GFM1: variants seen among roughly 807,000 people sequenced by gnomAD.
GFM1 encodes elongation factor G, mitochondrial.
GFM1 carries 62 observed loss-of-function variants against 96.2 expected under a neutral mutation model. The ratio of observed to expected loss-of-function variants is 0.64; its 90% CI spans 0.53 to 0.80. The LOEUF is 0.80. GFM1 is among the 30% of genes least tolerant of loss of function. The pLI is 0.00. For missense variants in GFM1, 852 were observed against 916.6 expected (o/e 0.93, Z 0.91); for synonymous variants, 282 against 312.9 (o/e 0.90, Z 1.04).
chr3:158,694,321 A>C lies in GFM1; in HGVS notation c.*2854A>C, dbSNP rs1188962548. Among the ~76,000 whole-genome samples the C allele has an allele frequency of 6.6e-6, 1 of 152,196 alleles. No homozygotes were observed. On this transcript the variant is annotated 3_prime_UTR_variant, in exon 18 of 18. Transcript: ENST00000486715. ...TGGAAGCCATTATCCTCATCAAACT[A>C]ACATAGGAAAAGAAAACCAAATACT...
chr3:158,683,243 A>C (rs56089835), intron 14 of GFM1, among the ~76,000 whole-genome samples: 369 of 152,168 alleles, frequency 2.4e-3, no homozygotes, highest in African/African-American at 8.6e-3. Context: ...ACTAAGATTA[A>C]TGTAGATGAA....
rs61348783 is a variant in GFM1, at chr3:158,668,908, A to G, written c.1601+2522A>G. The G allele has an allele frequency of 7.5e-3, 9,000 of 1,201,542 alleles. 528 individuals carry two copies. The African/African-American group carries it at 0.13, about 17-fold the overall frequency. The allele number at this position is 1,201,542 out of a possible 1,614,324, so 74.4% of individuals were successfully genotyped here. A position where few individuals can be genotyped will look rare whatever the true frequency, so the allele number is the denominator to read the frequency against. On this transcript the variant is annotated intron_variant, in intron 13 of 17. Transcript: ENST00000486715. ...GTTTGCTATTAAATACAAAATGACTATAGGAATACTGTTAATCCAATTATG... is the reference window on the plus strand; with the variant it reads ...GTTTGCTATTAAATACAAAATGACTGTAGGAATACTGTTAATCCAATTATG...
At position 158,674,149 on chromosome 3, in the gene GFM1, C is replaced by T. The variant is rs1027544467; in HGVS notation, c.1601+7763C>T. 8.1e-5 allele frequency among the ~76,000 whole-genome samples: 12 copies of T among 148,604 alleles called. No individual in the cohort carries two copies. The East Asian group carries it at 2.0e-3, about 25-fold the overall frequency. ...AGGCTGCAGTGCAGTGGCGTGATCT[C>T]GGCTCACTGCAACCTCCACCTCCCA... On this transcript the variant is annotated intron_variant, in intron 13 of 17. Coordinates refer to ENST00000486715, the MANE Select transcript of GFM1 (RefSeq NM_024996.7).
At position 158,655,310 on chromosome 3, in the gene GFM1, C is replaced by A. The variant is rs141528509; in HGVS notation, c.1083+679C>A. On this transcript the variant is annotated intron_variant, in intron 8 of 17. Coordinates refer to ENST00000486715, the MANE Select transcript of GFM1 (RefSeq NM_024996.7). ...ACCAGCCTAGCCAACATGGTGAAACCCTGTCTATACTAAAAGTACAAAAAT... is the reference window on the plus strand; with the variant it reads ...ACCAGCCTAGCCAACATGGTGAAACACTGTCTATACTAAAAGTACAAAAAT... 1.5e-4 allele frequency among the ~76,000 whole-genome samples: 23 copies of A among 151,930 alleles called. No homozygotes were observed. The East Asian group carries it at 3.7e-3, about 24-fold the overall frequency.
At chr3:158,659,089 A>AT (rs1722993143) in intron 9 of GFM1, 30 bp downstream of exon 9, 1 of 1,613,670 alleles carries the variant, frequency 6.2e-7, no homozygotes, top group East Asian at 2.2e-5. Context: ...GAGATTAGAA[A>AT]TTCCTCTGAT....
intron 13 of GFM1, among the ~76,000 whole-genome samples, chr3:158,674,645 C>T (rs1724714187): frequency 6.6e-6 from 1 of 152,114 alleles, no homozygotes. Flanking sequence ...GAAGACTGCC[C>T]ATATTTTATT....
intron 13 of GFM1, among the ~76,000 whole-genome samples, chr3:158,674,061 A>G (rs1393013769): frequency 2.0e-5 from 3 of 148,752 alleles, no homozygotes; most frequent in Non-Finnish European, 4.4e-5. Context: ...TTTGCGAGAC[A>G]CTGTCTTTCA....
In GFM1 at chr3:158,666,573, A is replaced by G. The variant is rs569721422; in HGVS notation, c.1601+187A>G. The G allele has an allele frequency of 2.2e-6, 3 of 1,391,366 alleles. No individual in the cohort carries two copies. In the East Asian group the frequency reaches 6.9e-5, roughly 32 times the overall value. 86.2% of individuals were successfully genotyped at this position (1,391,366 alleles called of 1,614,324 possible). On this transcript the variant is annotated intron_variant, in intron 13 of 17. Coordinates refer to ENST00000486715, the MANE Select transcript of GFM1 (RefSeq NM_024996.7). ...TGACACTTTGGGATTATTTGGCCTC[A>G]TAAGCTAGATGCCAGTGAAATTGGC...
intron 3 of GFM1, 136 bp downstream of exon 3, chr3:158,646,433 A>C (rs1721809412): frequency 3.1e-6 from 3 of 959,312 alleles, no homozygotes; most frequent in Non-Finnish European, 4.9e-6. Flanking sequence ...AAGAAGACTA[A>C]CTTAGGACCT....
intron 15 of GFM1, among the ~76,000 whole-genome samples, chr3:158,686,199 A>G (rs573371017): frequency 1.3e-5 from 2 of 148,230 alleles, no homozygotes; most frequent in Non-Finnish European, 3.0e-5. Context: ...ATGTATTTGT[A>G]TAAAATACAT....
At chr3:158,670,948 T>A in intron 13 of GFM1, 1 of 1,490,030 alleles carries the variant, frequency 6.7e-7, no homozygotes, top group African/African-American at 1.9e-5. Flanking sequence ...AAAAAGAAAT[T>A]TAACTTACTT....
intron 13 of GFM1, chr3:158,672,620 G>C (rs1302139629): frequency 5.2e-6 from 5 of 966,792 alleles, no homozygotes; most frequent in Non-Finnish European, 7.5e-6. Context: ...TTCTTCCTCA[G>C]CTCCTTCCGA....
intron 1 of GFM1, 32 bp downstream of exon 1, chr3:158,644,747 C>T (rs1434822172): frequency 1.3e-6 from 2 of 1,531,994 alleles, no homozygotes; most frequent in Non-Finnish European, 1.8e-6. Context: ...AAATCGGGAC[C>T]ATTCCCGGAA....
At chr3:158,667,116 C>A in intron 13 of GFM1, 1 of 1,512,340 alleles carries the variant, frequency 6.6e-7, no homozygotes, top group Non-Finnish European at 8.9e-7. Flanking sequence ...AACTTAATAT[C>A]TTTGGCAAAA....
At position 158,686,217 on chromosome 3, in the gene GFM1, G is replaced by T. The variant is rs139096774; in HGVS notation, c.1909+1549G>T. Among the ~76,000 whole-genome samples, 523 of 146,878 alleles carry T rather than the reference G, an allele frequency of 3.6e-3. 3 individuals carry two copies. Among genetic ancestry groups the T allele is most frequent in the African/African-American group, 0.012 (482 of 40,368 alleles). On this transcript the variant is annotated intron_variant, in intron 15 of 17. Coordinates refer to ENST00000486715, the MANE Select transcript of GFM1 (RefSeq NM_024996.7). ...TATTTGTATAAAATACATATATAAA[G>T]TATATATGCATATATATGTGTATTA...
intron 15 of GFM1, among the ~76,000 whole-genome samples, chr3:158,686,253 GAT>G (rs1047463176): frequency 6.8e-6 from 1 of 146,138 alleles, no homozygotes; most frequent in African/African-American, 2.5e-5. Context: ...TATAATATAT[GAT>G]ATATAAAGTA....
chr3:158,676,223 C>T (rs192165737), intron 13 of GFM1, among the ~76,000 whole-genome samples: 63 of 152,254 alleles, frequency 4.1e-4, no homozygotes, highest in African/African-American at 1.4e-3. Flanking sequence ...GCCGAGATTG[C>T]ACCAGTGCAC....
intron 13 of GFM1, chr3:158,667,168 T>C: frequency 7.8e-7 from 1 of 1,275,114 alleles, no homozygotes; most frequent in Non-Finnish European, 1.0e-6. Flanking sequence ...TAGATGAATA[T>C]AATATTTCCA....
intron 13 of GFM1, among the ~76,000 whole-genome samples, chr3:158,681,425 A>G (rs1326934305): frequency 1.3e-5 from 2 of 152,210 alleles, no homozygotes; most frequent in Non-Finnish European, 2.9e-5. Flanking sequence ...CTGTGTTTAT[A>G]CATCTTTCTG....
Sources: allele counts gnomAD v4.1 joint callset (sites outside exome capture counted in the v4.1 genomes callset), GRCh38; gene constraint gnomAD v4.1.1; transcripts MANE v1.5; gene names NCBI Gene and HGNC (gene_info 2026-07-23, HGNC 2026-07-21).